Variants in SKAP1 observed in about 807,000 individuals in gnomAD.
SKAP1 encodes src kinase-associated phosphoprotein 1.
A neutral mutation model predicts 58.5 loss-of-function variants in SKAP1; 44 were observed. The observed-to-expected ratio is 0.75, with a 90% CI of 0.59 to 0.97. The LOEUF is 0.97. Among genes scored for constraint, SKAP1 ranks in the 50% least tolerant of loss-of-function variants. The pLI, the probability that SKAP1 is intolerant of heterozygous loss-of-function variation, is 0.00. For missense variants in SKAP1, 390 were observed against 435.2 expected, an observed-to-expected ratio of 0.90 and a Z score of 0.92; for synonymous variants, 127 against 149.7, an observed-to-expected ratio of 0.85 and a Z score of 1.11.
intron 2 of SKAP1, among the ~76,000 whole-genome samples, chr17:48,367,529 T>A (rs1377683646): frequency 7.8e-6 from 1 of 127,416 alleles, no homozygotes; most frequent in East Asian, 2.0e-4. Flanking sequence ...TGTATATGTA[T>A]GTGTGTGTAT....
chr17:48,244,613 A>G (rs1177908339), intron 4 of SKAP1, among the ~76,000 whole-genome samples: 1 of 106,356 alleles, frequency 9.4e-6, no homozygotes, highest in Non-Finnish European at 2.2e-5. Flanking sequence ...AAACATTAAC[A>G]AATAGTTGGG....
chr17:48,366,818 A>G (rs1026412608), intron 2 of SKAP1, among the ~76,000 whole-genome samples: 5 of 152,190 alleles, frequency 3.3e-5, no homozygotes, highest in Non-Finnish European at 5.9e-5. Context: ...ATAAATAGAA[A>G]TTAGGGTTCG....
At chr17:48,268,306 C>T (rs77570378) in intron 4 of SKAP1, among the ~76,000 whole-genome samples, 327 of 150,844 alleles carry the variant, frequency 2.2e-3, no homozygotes, top group African/African-American at 7.7e-3. Flanking sequence ...ACATATTGTG[C>T]TTACTAGTCA....
chr17:48,295,703 A>G (rs1179221970), intron 4 of SKAP1: 2 of 151,576 alleles, frequency 1.3e-5, no homozygotes, highest in African/African-American at 2.4e-5. Context: ...GTCTGGCACA[A>G]ATTTATCCAT....
chr17:48,372,715 A>C (rs1192294704), intron 2 of SKAP1, among the ~76,000 whole-genome samples: 5 of 152,154 alleles, frequency 3.3e-5, no homozygotes, highest in Non-Finnish European at 5.9e-5. Flanking sequence ...ATCATAGCTT[A>C]TTGTAAACTT....
chr17:48,142,402 C>T (rs11870056), intron 11 of SKAP1, among the ~76,000 whole-genome samples: 80,165 of 151,952 alleles, frequency 0.53, 23,049 homozygotes, highest in East Asian at 0.77. Context: ...GCGGAGGTTG[C>T]GGTGAGCCAA....
At chr17:48,193,891 C>T (rs2064585846) in intron 4 of SKAP1, 1 of 239,396 alleles carries the variant, frequency 4.2e-6, no homozygotes, top group Admixed American at 6.5e-5. Context: ...GTATAAGTTG[C>T]TATTTTAAGG....
intron 2 of SKAP1, among the ~76,000 whole-genome samples, chr17:48,388,344 G>A (rs752872471): frequency 1.3e-5 from 2 of 152,102 alleles, no homozygotes; most frequent in Non-Finnish European, 2.9e-5. Context: ...TGAGGCAGGA[G>A]AATCACTTGA....
At chr17:48,414,704 A>G (rs1785265068) in intron 1 of SKAP1, among the ~76,000 whole-genome samples, 1 of 152,200 alleles carries the variant, frequency 6.6e-6, no homozygotes, top group African/African-American at 2.4e-5. Flanking sequence ...TGACTGAAGG[A>G]CAAGGGAAAA....
intron 4 of SKAP1, among the ~76,000 whole-genome samples, chr17:48,288,506 T>C (rs1030299645): frequency 6.6e-6 from 1 of 151,988 alleles, no homozygotes; most frequent in Non-Finnish European, 1.5e-5. Context: ...GCCAATATGG[T>C]GAAACCCCGT....
intron 6 of SKAP1, chr17:48,185,974 A>G (rs1444389735): frequency 6.6e-6 from 1 of 152,092 alleles, no homozygotes; most frequent in African/African-American, 2.4e-5. Context: ...GGTCAATAAA[A>G]GCTTCCGAGT....
rs538174808 is a variant in SKAP1 at position 48,345,271 on chromosome 17, T to C, written c.280+634A>G. On this transcript the variant is annotated intron_variant, in intron 4 of 12. Coordinates refer to ENST00000336915, the MANE Select transcript of SKAP1 (RefSeq NM_003726.4). ...GTATATTTTGCATTTCATTATGTTATATACTGTGGAATTTTGAATATAAAA... is the reference window on the plus strand; with the variant it reads ...GTATATTTTGCATTTCATTATGTTACATACTGTGGAATTTTGAATATAAAA... 2.6e-5 allele frequency among the ~76,000 whole-genome samples: 4 copies of C among 152,370 alleles called. No individual in the cohort carries two copies. The South Asian group carries it at 8.3e-4, about 32-fold the overall frequency.
chr17:48,391,719 T>G (rs1598647197), intron 2 of SKAP1, among the ~76,000 whole-genome samples: 1 of 152,036 alleles, frequency 6.6e-6, no homozygotes, highest in South Asian at 2.1e-4. Flanking sequence ...GGTCAAATTA[T>G]TGCTATGACT....
At chr17:48,157,827 C>A (rs1029272543) in intron 11 of SKAP1, among the ~76,000 whole-genome samples, 3 of 151,460 alleles carry the variant, frequency 2.0e-5, no homozygotes, top group African/African-American at 2.4e-5. Flanking sequence ...CCACACCTAG[C>A]CACTGGGGAG....
chr17:48,289,592 T>G (rs2065875868), intron 4 of SKAP1, among the ~76,000 whole-genome samples: 1 of 152,088 alleles, frequency 6.6e-6, no homozygotes, highest in Non-Finnish European at 1.5e-5. Flanking sequence ...TTAGCTTTCA[T>G]AAAATAATAC....
intron 2 of SKAP1, among the ~76,000 whole-genome samples, chr17:48,386,568 G>T (rs190758843): frequency 4.3e-4 from 66 of 152,302 alleles, no homozygotes; most frequent in African/African-American, 1.6e-3. Flanking sequence ...GCTGTTCCAT[G>T]TTGATACTTG....
intron 4 of SKAP1, among the ~76,000 whole-genome samples, chr17:48,320,239 TATTA>T (rs1399154062): frequency 6.6e-6 from 1 of 152,206 alleles, no homozygotes; most frequent in Admixed American, 6.5e-5. Flanking sequence ...CAGCCTTAAG[TATTA>T]ATTAAGTGAT....
In SKAP1 at chr17:48,327,180, C is replaced by T. The variant is rs181125187; in HGVS notation, c.280+18725G>A. Among the ~76,000 whole-genome samples the T allele has an allele frequency of 5.8e-4, 89 of 152,258 alleles. 1 individual carries two copies. In the East Asian group the frequency reaches 0.015, roughly 26 times the overall value. On this transcript the variant is annotated intron_variant, in intron 4 of 12. Coordinates refer to ENST00000336915, the MANE Select transcript of SKAP1 (RefSeq NM_003726.4). ...TACTGGGATTACAGGCGTGAGCCAC[C>T]GTGCCCAGCATAATAAGAAAATTGC...
chr17:48,365,807 G>A (rs979455500), intron 2 of SKAP1, among the ~76,000 whole-genome samples: 1 of 151,022 alleles, frequency 6.6e-6, no homozygotes, highest in Non-Finnish European at 1.5e-5. Context: ...AACCTAGGGA[G>A]GGAGTCCACA....
Sources: gnomAD v4.1 joint callset for allele counts (sites outside exome capture counted in the v4.1 genomes callset) on GRCh38, gnomAD v4.1.1 for gene constraint, MANE v1.5 for transcripts, NCBI Gene and HGNC (gene_info 2026-07-23, HGNC 2026-07-21) for gene names.